The following ALG13 variants were observed in gnomAD, a reference collection of about 807,000 sequenced individuals.
ALG13 encodes ALG13 UDP-N-acetylglucosaminyltransferase subunit.
Under a neutral mutation model 87.8 loss-of-function variants are expected in ALG13, and 11 were observed. The observed-to-expected ratio is 0.13, with a 90% CI of 0.08 to 0.21. ALG13 has a LOEUF of 0.21. Ranked by LOEUF, ALG13 falls within the 10% of genes least tolerant of loss-of-function variation. The pLI is 1.00. For missense variants in ALG13, 756 were observed against 866.1 expected, an observed-to-expected ratio of 0.87 and a Z score of 1.60; for synonymous variants, 320 against 306.3, an observed-to-expected ratio of 1.04 and a Z score of -0.47.
intron 21 of ALG13, among the ~76,000 whole-genome samples, chrX:111,731,797 AT>A (rs890805363): frequency 2.0e-4 from 22 of 112,129 alleles, no homozygotes; most frequent in African/African-American, 6.8e-4. Context: ...TTTTATCCTT[AT>A]ATTTCTGTCT....
chrX:111,685,697 G>A (rs1383900527), intron 3 of ALG13, among the ~76,000 whole-genome samples: 2 of 112,154 alleles, frequency 1.8e-5, no homozygotes, highest in African/African-American at 3.2e-5. Context: ...TATGAAGAAA[G>A]TAAGACAGGG....
chrX:111,681,250 C>A lies in ALG13; in HGVS notation c.32C>A (p.Thr11Asn), dbSNP rs777383453. The change falls in exon 1 of 27, where the codon ACC becomes AAC. Residue 11 changes from threonine (T) to asparagine (N), a missense_variant. Physicochemically the swap from Thr to Asn is moderately conservative, Grantham distance 65. Transcript: ENST00000394780. MKCVFVTVGT[T>N]SFDDLIACVS... is the part of the protein sequence containing the mutation. ...TGCGTGTTTGTTACCGTAGGGACCA[C>A]CAGCTTTGACGACCTCATTGCGTGT... 8.2e-7 allele frequency: 1 copy of A among 1,212,386 alleles called. No individual in the cohort carries two copies. The highest frequency in any genetic ancestry group is 3.0e-5 in the East Asian group (1 of 33,824).
At chrX:111,726,336 C>A (rs1424961063) in intron 15 of ALG13, among the ~76,000 whole-genome samples, 1 of 104,991 alleles carries the variant, frequency 9.5e-6, no homozygotes, top group Non-Finnish European at 1.9e-5. Flanking sequence ...CGGGCTCAAG[C>A]AATTCTCCTG....
rs949506718 is a variant in ALG13 at position 111,685,177 on chromosome X, A to T, written c.383+74A>T. 2.5e-5 allele frequency: 26 copies of T among 1,057,169 alleles called. No homozygotes were observed. The African/African-American group carries it at 4.8e-4, about 19-fold the overall frequency. The allele number at this position is 1,057,169 out of a possible 1,213,427, so 87.1% of individuals were successfully genotyped here. Reference sequence around the variant, plus strand: ...GCACTTCCTCTTATCCACCTACCTAACCCATCTGTCTCTTCTGCCTCTTAC... The same window carrying T: ...GCACTTCCTCTTATCCACCTACCTATCCCATCTGTCTCTTCTGCCTCTTAC... On this transcript the variant is annotated intron_variant, in intron 3 of 26. Coordinates refer to ENST00000394780, the MANE Select transcript of ALG13 (RefSeq NM_001099922.3).
At chrX:111,683,537 C>G (rs2147659679) in intron 2 of ALG13, among the ~76,000 whole-genome samples, 1 of 108,226 alleles carries the variant, frequency 9.2e-6, no homozygotes, top group East Asian at 2.9e-4. Flanking sequence ...CGGGGTTTCA[C>G]CGTGTTGCCC....
At chrX:111,752,995 A>G (rs765360382) in intron 25 of ALG13, 165 bp downstream of exon 25, 3 of 401,549 alleles carry the variant, frequency 7.5e-6, no homozygotes. Context: ...TGTCTGCTTT[A>G]GCCTCCCAGT....
rs1467282612 is a variant in ALG13, at chrX:111,734,636, C to G, written c.2458-415C>G. ...GAATGATATTTGAATCTTACAATAT[C>G]TATTAAATCCCGCTTAGATAAAACG... On this transcript the variant is annotated intron_variant, in intron 21 of 26. Transcript: ENST00000394780. Among the ~76,000 whole-genome samples, 3 of 111,762 alleles carry G rather than the reference C, an allele frequency of 2.7e-5. No homozygotes were observed. The East Asian group carries it at 8.3e-4, about 31-fold the overall frequency.
chrX:111,712,569 C>T (rs767681105), intron 7 of ALG13, 39 bp downstream of exon 7: 1 of 870,243 alleles, frequency 1.1e-6, no homozygotes, highest in Non-Finnish European at 1.6e-6. Flanking sequence ...TGGGTATGTG[C>T]ATGCATGTGT....
intron 2 of ALG13, among the ~76,000 whole-genome samples, chrX:111,683,264 A>G (rs750590396): frequency 9.1e-6 from 1 of 109,539 alleles, no homozygotes; most frequent in South Asian, 4.0e-4. Flanking sequence ...TGGTGGACAG[A>G]TAACAATCTG....
rs964205254 is a variant in ALG13 at position 111,735,118 on chromosome X, A to C, written c.2525A>C (p.Gln842Pro). ...QDTVTSYNYP[Q>P]KMMGNIAAVA... is the part of the protein sequence containing the mutation. ...ACAGTTACCTCATACAACTACCCCC[A>C]GAAGGTAATCCTCATAGTGTTATTA... is the stretch of plus-strand genomic sequence containing the variant. The change falls in exon 22 of 27, where the codon CAG becomes CCG. Residue 842 changes from glutamine to proline, a missense_variant. Around this residue, in one of 9 missense-constraint regions of ALG13, gnomAD observed 362 missense variants for 383.5 expected, o/e 0.94. Transcript: ENST00000394780. The C allele has an allele frequency of 8.6e-7, 1 of 1,165,463 alleles. No individual in the cohort carries two copies. Among genetic ancestry groups the C allele is most frequent in the African/African-American group, 1.8e-5 (1 of 56,969 alleles).
chrX:111,747,344 C>T (rs1292167653), intron 24 of ALG13, among the ~76,000 whole-genome samples: 6 of 112,130 alleles, frequency 5.4e-5, no homozygotes, highest in Non-Finnish European at 9.4e-5. Flanking sequence ...CAGAATGGCT[C>T]TTAGCAATAT....
chrX:111,720,245 GATATT>G, intron 11 of ALG13, 75 bp downstream of exon 11: 1 of 680,755 alleles, frequency 1.5e-6, no homozygotes. Flanking sequence ...GTTAAAGTCA[GATATT>G]ATATTCTAGT....
At chrX:111,739,633 A>G (rs772326794) in intron 23 of ALG13, among the ~76,000 whole-genome samples, 2 of 112,483 alleles carry the variant, frequency 1.8e-5, no homozygotes, top group South Asian at 3.7e-4. Context: ...ACTCAAGGAA[A>G]GAATATGTGA....
chrX:111,752,851 T>G, intron 25 of ALG13, 21 bp downstream of exon 25: 1 of 1,160,488 alleles, frequency 8.6e-7, no homozygotes, highest in Non-Finnish European at 1.2e-6. Flanking sequence ...TGTTAAAATT[T>G]CTTTGATAAG....
intron 3 of ALG13, among the ~76,000 whole-genome samples, chrX:111,706,059 C>CT (rs1289509847): frequency 0.04 from 4,170 of 105,059 alleles, 176 homozygotes; most frequent in African/African-American, 0.13. Context: ...ATTATAATCC[C>CT]TTTTTTTTTT....
At chrX:111,752,409 A>G (rs1460456296) in intron 24 of ALG13, among the ~76,000 whole-genome samples, 2 of 111,173 alleles carry the variant, frequency 1.8e-5, no homozygotes, top group African/African-American at 3.3e-5. Flanking sequence ...ATGCTCAAAC[A>G]GAAAAGCTTT....
rs138215378 is a variant in ALG13 at position 111,749,116 on chromosome X, C to T, written c.2933-3674C>T. Reference sequence around the variant, plus strand: ...AAAAAACAAAAAAAACAACAAAAAACCTTGGCCTTATTTGTCTTACTCCAA... The same window carrying T: ...AAAAAACAAAAAAAACAACAAAAAATCTTGGCCTTATTTGTCTTACTCCAA... On this transcript the variant is annotated intron_variant, in intron 24 of 26. Coordinates refer to ENST00000394780, the MANE Select transcript of ALG13 (RefSeq NM_001099922.3). Among the ~76,000 whole-genome samples the T allele has an allele frequency of 5.8e-3, 648 of 111,235 alleles. 5 individuals carry two copies. Among genetic ancestry groups the T allele is most frequent in the African/African-American group, 0.02 (626 of 30,612 alleles).
At chrX:111,707,944 A>T in intron 3 of ALG13, 83 bp from the exon 4 acceptor site, 2 of 987,938 alleles carry the variant, frequency 2.0e-6, no homozygotes, top group East Asian at 3.2e-5. Context: ...AACTCTAAGT[A>T]CTTTCTCCCT....
At chrX:111,709,145 TCTC>T (rs1352806872) in intron 5 of ALG13, 97 bp downstream of exon 5, 2 of 394,903 alleles carry the variant, frequency 5.1e-6, no homozygotes, top group Admixed American at 4.8e-5. Flanking sequence ...TATCATGCTG[TCTC>T]CTCAATAGCA....
Sources: allele counts gnomAD v4.1 joint callset (sites outside exome capture counted in the v4.1 genomes callset), GRCh38; gene constraint gnomAD v4.1.1; regional missense constraint gnomAD v4.1.1; transcripts MANE v1.5; gene names NCBI Gene and HGNC (gene_info 2026-07-23, HGNC 2026-07-21).